Variants in CAMTA1 observed in about 807,000 individuals in gnomAD.
CAMTA1 encodes calmodulin-binding transcription activator 1.
A neutral mutation model predicts 170.9 loss-of-function variants in CAMTA1; 27 were observed. The ratio of observed to expected loss-of-function variants is 0.16; its 90% CI spans 0.12 to 0.22. CAMTA1 has a LOEUF of 0.22. Among genes scored for constraint, CAMTA1 ranks in the 10% least tolerant of loss-of-function variants. CAMTA1 has a pLI of 1.00. For synonymous variants in CAMTA1, 833 were observed against 891.5 expected (o/e 0.93, Z 1.17); for missense variants, 1,619 against 2,217.2 (o/e 0.73, Z 5.42).
intron 3 of CAMTA1, among the ~76,000 whole-genome samples, chr1:6,831,840 G>A (rs543177981): frequency 2.2e-4 from 33 of 152,292 alleles, no homozygotes; most frequent in African/African-American, 7.2e-4. Flanking sequence ...AAATGTCTAT[G>A]TAGAGAGCAG....
rs1031563767 is a variant in CAMTA1, at chr1:7,094,037, C to T, written c.302+2666C>T. On this transcript the variant is annotated intron_variant, in intron 4 of 22. Transcript: ENST00000303635. ...TATCTGTGGGGCAGTCCCCAACCTG[C>T]TGGATGCTTTGACTTCGACAGGCGT... 2.6e-5 allele frequency among the ~76,000 whole-genome samples: 4 copies of T among 152,312 alleles called. 1 individual carries two copies. Among genetic ancestry groups the T allele is most frequent in the South Asian group, 4.1e-4 (2 of 4,822 alleles).
intron 4 of CAMTA1, among the ~76,000 whole-genome samples, chr1:7,158,924 C>T (rs1647044551): frequency 1.3e-5 from 2 of 148,746 alleles, no homozygotes; most frequent in Non-Finnish European, 3.0e-5. Flanking sequence ...AAGAAATACC[C>T]ACAGTGGCTT....
chr1:7,388,427 G>T (rs756998558), intron 5 of CAMTA1: 2 of 152,322 alleles, frequency 1.3e-5, no homozygotes, highest in African/African-American at 4.8e-5. Context: ...TGAGCCTTCC[G>T]ATGTGCCTGC....
At chr1:7,390,574 C>T (rs1431176189) in intron 5 of CAMTA1, among the ~76,000 whole-genome samples, 2 of 152,242 alleles carry the variant, frequency 1.3e-5, no homozygotes, top group Non-Finnish European at 2.9e-5. Context: ...ACAACAGGGT[C>T]GCTAGTAGTG....
chr1:7,458,783 T>G (rs540678426), intron 5 of CAMTA1, among the ~76,000 whole-genome samples: 3 of 152,334 alleles, frequency 2.0e-5, no homozygotes, highest in South Asian at 4.1e-4. Flanking sequence ...GAGACACCAT[T>G]GCAGATTGTC....
chr1:7,747,011 T>C (rs1003353950), intron 18 of CAMTA1, among the ~76,000 whole-genome samples: 1 of 152,244 alleles, frequency 6.6e-6, no homozygotes, highest in African/African-American at 2.4e-5. Context: ...TTTCATGAGT[T>C]CATAGAATTT....
rs180744328 is a variant in CAMTA1 at position 6,791,136 on chromosome 1, G to C, written c.45+5561G>C. On this transcript the variant is annotated intron_variant, in intron 1 of 22. Transcript: ENST00000303635. ...CCTTTTTTTTTTTTTTTTTTTAAAT[G>C]TTCTAGGTGACTTAAATCCGACCTC... is the stretch of plus-strand genomic sequence containing the variant. Among the ~76,000 whole-genome samples the C allele has an allele frequency of 4.6e-3, 527 of 114,718 alleles. 2 individuals are homozygous for C. Among genetic ancestry groups the C allele is most frequent in the African/African-American group, 0.016 (489 of 30,470 alleles). The allele number at this position is 114,718 out of a possible 152,430, so 75.3% of individuals were successfully genotyped here. A position where few individuals can be genotyped will look rare whatever the true frequency, so the allele number is the denominator to read the frequency against.
chr1:7,745,238 G>A (rs1467054142), intron 17 of CAMTA1, among the ~76,000 whole-genome samples: 2 of 151,998 alleles, frequency 1.3e-5, no homozygotes, highest in African/African-American at 4.8e-5. Flanking sequence ...ATAAGAGATC[G>A]TGTTAAGCTG....
At chr1:7,746,508 A>G (rs1413881456) in intron 18 of CAMTA1, among the ~76,000 whole-genome samples, 1 of 152,240 alleles carries the variant, frequency 6.6e-6, no homozygotes, top group South Asian at 2.1e-4. Context: ...GCACCTTCAT[A>G]GAAGAGTTTC....
At chr1:7,252,265 A>G (rs1000329135) in intron 5 of CAMTA1, among the ~76,000 whole-genome samples, 21 of 152,160 alleles carry the variant, frequency 1.4e-4, no homozygotes, top group African/African-American at 5.1e-4. Flanking sequence ...TCGCTTAGTG[A>G]TAGATGAGAG....
intron 3 of CAMTA1, among the ~76,000 whole-genome samples, chr1:6,938,085 G>C (rs920648902): frequency 6.6e-6 from 1 of 152,250 alleles, no homozygotes; most frequent in African/African-American, 2.4e-5. Context: ...AGGACTTGGA[G>C]TCCACTCTCA....
At chr1:6,992,782 C>A (rs913529890) in intron 3 of CAMTA1, among the ~76,000 whole-genome samples, 2 of 152,160 alleles carry the variant, frequency 1.3e-5, no homozygotes, top group Non-Finnish European at 2.9e-5. Flanking sequence ...GGGGGAAATG[C>A]GTTGCCATGA....
intron 11 of CAMTA1, among the ~76,000 whole-genome samples, chr1:7,725,219 C>T (rs925693954): frequency 1.3e-5 from 2 of 152,180 alleles, no homozygotes; most frequent in Non-Finnish European, 1.5e-5. Flanking sequence ...GTGAATGTAT[C>T]CTTCCTCATT....
chr1:6,860,227 G>A (rs1296171559), intron 3 of CAMTA1, among the ~76,000 whole-genome samples: 2 of 152,082 alleles, frequency 1.3e-5, no homozygotes, highest in African/African-American at 4.8e-5. Context: ...GGCCTTGATG[G>A]CATGTGTACT....
intron 3 of CAMTA1, among the ~76,000 whole-genome samples, chr1:7,087,326 A>G (rs548257638): frequency 6.6e-6 from 1 of 152,348 alleles, no homozygotes; most frequent in African/African-American, 2.4e-5. Context: ...AATTTTGCCT[A>G]TCACTGAAGT....
intron 3 of CAMTA1, among the ~76,000 whole-genome samples, chr1:6,854,117 G>A (rs774175582): frequency 3.3e-5 from 5 of 152,218 alleles, no homozygotes; most frequent in Admixed American, 6.5e-5. Context: ...GCTTCATAAC[G>A]ATGTTTCAGT....
In CAMTA1 at chr1:7,037,565, C is replaced by T. The variant is rs551342938; in HGVS notation, c.235-53739C>T. On this transcript the variant is annotated intron_variant, in intron 3 of 22. Transcript: ENST00000303635. ...TAGATAAATTTAAAAACAGGCCGGG[C>T]GCGGTGGCTCACGCCTGTAATCCCA... Among the ~76,000 whole-genome samples, 91 of 152,270 alleles carry T rather than the reference C, an allele frequency of 6.0e-4. 1 individual carries two copies. The highest frequency in any genetic ancestry group is 1.0e-3 in the Non-Finnish European group (69 of 68,022).
intron 5 of CAMTA1, among the ~76,000 whole-genome samples, chr1:7,275,168 A>G (rs1316331622): frequency 6.9e-6 from 1 of 144,846 alleles, no homozygotes; most frequent in Non-Finnish European, 1.5e-5. Context: ...AAAAAAGAAG[A>G]AAGAAAATAT....
intron 3 of CAMTA1, among the ~76,000 whole-genome samples, chr1:7,047,797 G>A (rs892123763): frequency 6.6e-6 from 1 of 151,616 alleles, no homozygotes; most frequent in Non-Finnish European, 1.5e-5. Context: ...TTGGTGGGTG[G>A]TGATGGTGGT....
Sources: gnomAD v4.1 joint callset for allele counts (sites outside exome capture counted in the v4.1 genomes callset) on GRCh38, gnomAD v4.1.1 for gene constraint, MANE v1.5 for transcripts, NCBI Gene and HGNC (gene_info 2026-07-23, HGNC 2026-07-21) for gene names.